Variants in CYP3A7 observed in about 807,000 individuals in gnomAD.
The protein encoded by CYP3A7 is cytochrome P450 3A7.
Under a neutral mutation model 55.2 loss-of-function variants are expected in CYP3A7, and 45 were observed. The ratio of observed to expected loss-of-function variants is 0.82; its 90% CI spans 0.64 to 1.05. The LOEUF is 1.05. Ranked by LOEUF, CYP3A7 falls within the 50% of genes least tolerant of loss-of-function variation. The probability of loss-of-function intolerance (pLI) is 0.00; values close to 1 mark genes in which losing one functional copy is unlikely to be tolerated. For missense variants in CYP3A7, 548 were observed against 605.3 expected (o/e 0.91, Z 0.99); for synonymous variants, 180 against 207.4 (o/e 0.87, Z 1.13).
intron 9 of CYP3A7, among the ~76,000 whole-genome samples, chr7:99,711,796 C>CAAA (rs1813759080): frequency 1.3e-5 from 2 of 151,748 alleles, no homozygotes; most frequent in South Asian, 2.1e-4. Context: ...ACAACAACAA[C>CAAA]AACAAAAACA....
intron 6 of CYP3A7, among the ~76,000 whole-genome samples, chr7:99,716,157 C>G (rs1429133539): frequency 6.6e-6 from 1 of 152,118 alleles, no homozygotes; most frequent in East Asian, 1.9e-4. Context: ...GGTCAAGGAG[C>G]CTAGTCATAG....
At chr7:99,725,067 G>A (rs1584520412) in intron 2 of CYP3A7, among the ~76,000 whole-genome samples, 1 of 152,118 alleles carries the variant, frequency 6.6e-6, no homozygotes, top group East Asian at 1.9e-4. Context: ...GGTATAGCTA[G>A]GTGAGATTAC....
At chr7:99,711,018 C>T in intron 9 of CYP3A7, 126 bp from the exon 10 acceptor site, 1 of 1,496,062 alleles carries the variant, frequency 6.7e-7, no homozygotes, top group Non-Finnish European at 9.0e-7. Context: ...AATTCAGAGT[C>T]TCACTGGGGG....
At chr7:99,731,031 G>A (rs1179913955) in intron 2 of CYP3A7, 28 bp downstream of exon 2, 3 of 1,612,468 alleles carry the variant, frequency 1.9e-6, no homozygotes, top group East Asian at 2.2e-5. Flanking sequence ...ATCATAAGAA[G>A]CAAAAGAGGA....
intron 11 of CYP3A7, among the ~76,000 whole-genome samples, chr7:99,708,353 G>A (rs1813598681): frequency 6.6e-6 from 1 of 152,126 alleles, no homozygotes; most frequent in Non-Finnish European, 1.5e-5. Flanking sequence ...TGGTCATGAG[G>A]AAGGAGAAGA....
chr7:99,708,082 G>T (rs1363167609), intron 11 of CYP3A7, 108 bp from the exon 12 acceptor site: 1 of 1,508,700 alleles, frequency 6.6e-7, no homozygotes, highest in East Asian at 2.3e-5. Flanking sequence ...CAGTACACAG[G>T]ATACTTTTGT....
At chr7:99,734,968 G>C in intron 1 of CYP3A7, 55 bp downstream of exon 1, 2 of 1,612,368 alleles carry the variant, frequency 1.2e-6, no homozygotes, top group South Asian at 2.2e-5. Context: ...AGAGAGGCCT[G>C]ATTAGCACCC....
Position 99,731,022 on chromosome 7 carries a change from T to C in CYP3A7, c.165+37A>G, listed in dbSNP as rs768552262. ...GATGGAACTAAGTTGCTCTTTGCAA[T>C]CATAAGAAGCAAAAGAGGAAGCTCA... On this transcript the variant is annotated intron_variant, in intron 2 of 12. Transcript: ENST00000336374. 5 of 1,611,544 alleles carry C rather than the reference T, an allele frequency of 3.1e-6. No homozygotes were observed. In the South Asian group the frequency reaches 5.5e-5, roughly 18 times the overall value.
chr7:99,724,018 A>G (rs1368457752), intron 2 of CYP3A7, among the ~76,000 whole-genome samples: 1 of 152,062 alleles, frequency 6.6e-6, no homozygotes, highest in Non-Finnish European at 1.5e-5. Flanking sequence ...GGTCACAAGT[A>G]TCACCTTCCC....
intron 6 of CYP3A7, 105 bp from the exon 7 acceptor site, chr7:99,716,011 C>T: frequency 1.2e-6 from 2 of 1,602,412 alleles, no homozygotes; most frequent in Non-Finnish European, 1.7e-6. Context: ...AGACAAACAG[C>T]CACAGACTTT....
intron 12 of CYP3A7, among the ~76,000 whole-genome samples, chr7:99,706,512 G>A (rs970073178): frequency 2.0e-5 from 3 of 152,210 alleles, no homozygotes; most frequent in Admixed American, 6.5e-5. Context: ...GCCTGCTTAA[G>A]GTGTGGAGTT....
chr7:99,720,166 G>T, intron 4 of CYP3A7, 147 bp downstream of exon 4: 1 of 942,492 alleles, frequency 1.1e-6, no homozygotes, highest in Non-Finnish European at 1.6e-6. Context: ...AAGATTGCAA[G>T]ATGTTACCAT....
intron 2 of CYP3A7, 31 bp downstream of exon 2, chr7:99,731,025 TAAG>T (rs780147715): frequency 1.2e-5 from 20 of 1,612,030 alleles, no homozygotes; most frequent in Non-Finnish European, 1.7e-5. Context: ...TTTGCAATCA[TAAG>T]AAGCAAAAGA....
At position 99,715,861 on chromosome 7, in the gene CYP3A7, A is replaced by C. The variant is rs1584511674; in HGVS notation, c.567T>G (p.Phe189Leu). The C allele has an allele frequency of 6.2e-7, 1 of 1,613,934 alleles. No homozygotes were observed. Among genetic ancestry groups the C allele is most frequent in the Admixed American group, 1.7e-5 (1 of 60,004 alleles). Reference protein sequence around the residue: ...YSMDVITSTSFGVSIDSLNNP... With the variant: ...YSMDVITSTSLGVSIDSLNNP... ...TGTTGAGAGAGTCGATGCTCACTCC[A>C]AATGATGTGCTAGTGATCACATCCA... is the stretch of plus-strand genomic sequence containing the variant. Residue 189 changes from phenylalanine to leucine, a missense_variant, in exon 7 of 13, where the codon TTT becomes TTG. Coordinates refer to ENST00000336374, the MANE Select transcript of CYP3A7 (RefSeq NM_000765.5).
At chr7:99,710,946 A>C in intron 9 of CYP3A7, 54 bp from the exon 10 acceptor site, 2 of 1,612,176 alleles carry the variant, frequency 1.2e-6, no homozygotes, top group Non-Finnish European at 1.7e-6. Flanking sequence ...AGGGCATCAC[A>C]GTTTAGATGA....
intron 1 of CYP3A7, 139 bp from the exon 2 acceptor site, chr7:99,731,291 C>T (rs766610313): frequency 2.3e-5 from 22 of 944,310 alleles, no homozygotes; most frequent in African/African-American, 1.7e-4. Context: ...GTAACTCTGA[C>T]GGCAATGATT....
chr7:99,730,894 G>C, intron 2 of CYP3A7, 165 bp downstream of exon 2: 1 of 863,534 alleles, frequency 1.2e-6, no homozygotes, highest in Non-Finnish European at 1.7e-6. Context: ...GAGTTAGCAA[G>C]AGAGCCCCAG....
chr7:99,732,327 T>C (rs1814658235), intron 1 of CYP3A7, among the ~76,000 whole-genome samples: 1 of 152,238 alleles, frequency 6.6e-6, no homozygotes, highest in Non-Finnish European at 1.5e-5. Context: ...CTATGCTTCC[T>C]GTAGAGCCTG....
chr7:99,720,640 A>T, intron 3 of CYP3A7: 1 of 472,440 alleles, frequency 2.1e-6, no homozygotes, highest in Non-Finnish European at 3.9e-6. Flanking sequence ...CAGGGAAGAG[A>T]GATTGAAAGA....
Sources: allele counts gnomAD v4.1 joint callset (sites outside exome capture counted in the v4.1 genomes callset), GRCh38; gene constraint gnomAD v4.1.1; transcripts MANE v1.5; gene names NCBI Gene and HGNC (gene_info 2026-07-23, HGNC 2026-07-21).